Variants in PCBP2 observed in about 807,000 individuals in gnomAD.
PCBP2 encodes the protein poly(rC) binding protein 2, also known as poly(rC)-binding protein 2.
A neutral mutation model predicts 50.1 loss-of-function variants in PCBP2; 4 were observed. The observed-to-expected ratio is 0.08, with a 90% CI of 0.04 to 0.18. The LOEUF (loss-of-function observed/expected upper bound fraction) is 0.18. Among genes scored for constraint, PCBP2 ranks in the 10% least tolerant of loss-of-function variants. The probability of loss-of-function intolerance (pLI) is 1.00; values close to 1 mark genes in which losing one functional copy is unlikely to be tolerated. For missense variants in PCBP2, 161 were observed against 474.3 expected, an observed-to-expected ratio of 0.34 and a Z score of 6.14; for synonymous variants, 179 against 168.0, an observed-to-expected ratio of 1.07 and a Z score of -0.51.
intron 9 of PCBP2, 53 bp downstream of exon 9, chr12:53,464,905 G>A (rs1183488332): frequency 5.2e-6 from 8 of 1,539,336 alleles, no homozygotes; most frequent in South Asian, 1.3e-5. Flanking sequence ...CGCCTCAGCC[G>A]AGACTGCCAA....
chr12:53,470,761 T>TG (rs1317005853), intron 13 of PCBP2, among the ~76,000 whole-genome samples: 2 of 151,214 alleles, frequency 1.3e-5, no homozygotes, highest in Admixed American at 6.6e-5. Context: ...AACCAGTTTT[T>TG]TTTTTTTTTT....
At chr12:53,465,764 A>G (rs767170374) in intron 9 of PCBP2, among the ~76,000 whole-genome samples, 168 bp from the exon 10 acceptor site, 12 of 152,224 alleles carry the variant, frequency 7.9e-5, no homozygotes, top group Non-Finnish European at 1.8e-4. Flanking sequence ...AAGAAGGCCA[A>G]TTTGGGTCTG....
intron 8 of PCBP2, 51 bp from the exon 9 acceptor site, chr12:53,464,709 A>G (rs764592288): frequency 3.1e-6 from 5 of 1,590,704 alleles, no homozygotes; most frequent in Non-Finnish European, 4.3e-6. Context: ...TGCTGGTGAC[A>G]AGGTGCCGGA....
rs1289761503 is a variant in PCBP2, at chr12:53,457,161, C to T, written c.243+1160C>T. Among the ~76,000 whole-genome samples the T allele has an allele frequency of 2.6e-5, 4 of 152,040 alleles. No homozygotes were observed. In the South Asian group the frequency reaches 8.3e-4, roughly 32 times the overall value. ...TCCCAGGCTCAAGTGATCCTTCTGCCTTAGCTTCCTGAGTAGCTGGGGCTA... is the reference window on the plus strand; with the variant it reads ...TCCCAGGCTCAAGTGATCCTTCTGCTTTAGCTTCCTGAGTAGCTGGGGCTA... On this transcript the variant is annotated intron_variant, in intron 5 of 14. Transcript: ENST00000546463.
intron 13 of PCBP2, among the ~76,000 whole-genome samples, chr12:53,471,429 TTGGC>T (rs1181208042): frequency 6.6e-6 from 1 of 152,012 alleles, no homozygotes; most frequent in Non-Finnish European, 1.5e-5. Context: ...AATACAAAAA[TTGGC>T]TGGGCATGGT....
At position 53,467,673 on chromosome 12, in the gene PCBP2, G is replaced by A. The variant is rs539897878; in HGVS notation, c.788-132G>A. On this transcript the variant is annotated intron_variant, in intron 11 of 14. Coordinates refer to ENST00000546463, the MANE Select transcript of PCBP2 (RefSeq NM_031989.5). ...AGAGACCATCCATTTGTGCCAAATT[G>A]TGTAGTGTTTTTTTTGTTTTTGTTT... The A allele has an allele frequency of 3.6e-5, 28 of 774,286 alleles. No homozygotes were observed. The African/African-American group carries it at 4.5e-4, about 12-fold the overall frequency. The allele number at this position is 774,286 out of a possible 1,614,324, so 48.0% of individuals were successfully genotyped here.
chr12:53,455,168 C>T (rs1183529290), intron 2 of PCBP2, among the ~76,000 whole-genome samples, 179 bp from the exon 3 acceptor site: 2 of 152,228 alleles, frequency 1.3e-5, no homozygotes, highest in African/African-American at 2.4e-5. Context: ...ATCTTCAAAT[C>T]TTTCCAATCT....
intron 5 of PCBP2, 77 bp downstream of exon 5, chr12:53,456,078 A>C: frequency 1.1e-6 from 1 of 902,032 alleles, no homozygotes; most frequent in African/African-American, 1.6e-5. Context: ...AGAGCTTTTT[A>C]AATTCAAGGA....
At chr12:53,464,573 T>G (rs889301774) in intron 8 of PCBP2, 187 bp from the exon 9 acceptor site, 11 of 681,202 alleles carry the variant, frequency 1.6e-5, no homozygotes, top group Non-Finnish European at 2.6e-5. Flanking sequence ...AATTGTGCAG[T>G]GTGAAATCTG....
At chr12:53,466,055 G>C (rs1941798475) in intron 10 of PCBP2, 82 bp downstream of exon 10, 1 of 1,137,420 alleles carries the variant, frequency 8.8e-7, no homozygotes, top group Non-Finnish European at 1.3e-6. Flanking sequence ...CAAGTAGCCA[G>C]AAGTGAGTTG....
Position 53,479,545 on chromosome 12 carries a change from T to G in PCBP2, c.*103T>G. 1 of 1,042,888 alleles carries G rather than the reference T, an allele frequency of 9.6e-7. No individual in the cohort carries two copies. Among genetic ancestry groups the G allele is most frequent in the Admixed American group, 2.0e-5 (1 of 50,584 alleles). The allele number at this position is 1,042,888 out of a possible 1,614,324, so 64.6% of individuals were successfully genotyped here. A position where few individuals can be genotyped will look rare whatever the true frequency, so the allele number is the denominator to read the frequency against. On this transcript the variant is annotated 3_prime_UTR_variant, in exon 15 of 15. Transcript: ENST00000546463. Reference sequence around the variant, plus strand: ...CAGCGATTCCAGGTTTTAAATAGTTTGTAAATTTTCAGTTTCTACACACTT... The same window carrying G: ...CAGCGATTCCAGGTTTTAAATAGTTGGTAAATTTTCAGTTTCTACACACTT...
In PCBP2 at chr12:53,459,533, T is replaced by A. The variant is rs1166080078; in HGVS notation, c.375+130T>A. ...GTAACAGTTCTAGAGGATTACAATG[T>A]GATTGTACTGAAAATAAAACTCATG... On this transcript the variant is annotated intron_variant, in intron 6 of 14. Transcript: ENST00000546463. 5 of 621,314 alleles carry A rather than the reference T, an allele frequency of 8.0e-6. No homozygotes were observed. The East Asian group carries it at 1.3e-4, about 16-fold the overall frequency. The allele number at this position is 621,314 out of a possible 1,614,324, so 38.5% of individuals were successfully genotyped here.
chr12:53,466,127 C>T (rs565450954), intron 10 of PCBP2, among the ~76,000 whole-genome samples, 154 bp downstream of exon 10: 1 of 152,324 alleles, frequency 6.6e-6, no homozygotes, highest in East Asian at 1.9e-4. Flanking sequence ...TATTTTAGCC[C>T]TTTAATCAGG....
At chr12:53,457,314 A>G (rs1941102087) in intron 5 of PCBP2, among the ~76,000 whole-genome samples, 1 of 152,136 alleles carries the variant, frequency 6.6e-6, no homozygotes, top group African/African-American at 2.4e-5. Flanking sequence ...CGCCTCCCAA[A>G]GTGTTGGGAT....
chr12:53,471,923 G>C, intron 14 of PCBP2, 116 bp downstream of exon 14: 1 of 652,588 alleles, frequency 1.5e-6, no homozygotes, highest in Non-Finnish European at 2.2e-6. Flanking sequence ...ATGGCCAAAA[G>C]GTTTTTTTTT....
intron 7 of PCBP2, among the ~76,000 whole-genome samples, chr12:53,461,978 G>T (rs561902261): frequency 6.6e-6 from 1 of 152,178 alleles, no homozygotes; most frequent in East Asian, 1.9e-4. Flanking sequence ...CAAAGTACTG[G>T]TATTACCAGC....
chr12:53,454,737 C>A lies in PCBP2; in HGVS notation c.-64C>A. On this transcript the variant is annotated 5_prime_UTR_variant, in exon 2 of 15. Coordinates refer to ENST00000546463, the MANE Select transcript of PCBP2 (RefSeq NM_031989.5). Reference sequence around the variant, plus strand: ...TGTTTGCATTTTAGTTTTTGGCTTTCACCCCCAACCAGTGACCAAAGACTT... The same window carrying A: ...TGTTTGCATTTTAGTTTTTGGCTTTAACCCCCAACCAGTGACCAAAGACTT... The A allele has an allele frequency of 7.1e-7, 1 of 1,400,474 alleles. No homozygotes were observed. Among genetic ancestry groups the A allele is most frequent in the Non-Finnish European group, 1.0e-6 (1 of 988,024 alleles). 86.8% of individuals were successfully genotyped at this position (1,400,474 alleles called of 1,614,324 possible).
intron 2 of PCBP2, 92 bp from the exon 3 acceptor site, chr12:53,455,255 T>G: frequency 8.2e-7 from 1 of 1,217,976 alleles, no homozygotes; most frequent in Non-Finnish European, 1.2e-6. Flanking sequence ...AATACTTCAT[T>G]AGAACATGTA....
At chr12:53,477,113 C>T (rs576586384) in intron 14 of PCBP2, among the ~76,000 whole-genome samples, 2 of 152,242 alleles carry the variant, frequency 1.3e-5, no homozygotes, top group East Asian at 1.9e-4. Flanking sequence ...CTTCTCCCTG[C>T]GTCACCTCCC....
Sources: allele counts gnomAD v4.1 joint callset (sites outside exome capture counted in the v4.1 genomes callset), GRCh38; gene constraint gnomAD v4.1.1; transcripts MANE v1.5; gene names NCBI Gene and HGNC (gene_info 2026-07-23, HGNC 2026-07-21).